The following COL15A1 variants were observed in gnomAD, a reference collection of about 807,000 sequenced individuals.
COL15A1 encodes the protein collagen alpha-1(XV) chain.
COL15A1 carries 111 observed loss-of-function variants against 165.9 expected under a neutral mutation model. That is an observed-to-expected ratio of 0.67 (90% CI 0.57 to 0.78). The LOEUF (loss-of-function observed/expected upper bound fraction) is 0.78. Ranked by LOEUF, COL15A1 falls within the 30% of genes least tolerant of loss-of-function variation. The probability of loss-of-function intolerance (pLI) is 0.00; values close to 1 mark genes in which losing one functional copy is unlikely to be tolerated. For synonymous variants in COL15A1, 659 were observed against 674.8 expected (o/e 0.98, Z 0.36); for missense variants, 1,745 against 1,789.7 (o/e 0.98, Z 0.45).
rs115007777 is a variant in COL15A1, at chr9:99,053,877, G to A, written c.2951-699G>A. On this transcript the variant is annotated intron_variant, in intron 31 of 41. Transcript: ENST00000375001. Reference sequence around the variant, plus strand: ...TTGATCTGTCACACCTCTTGGGAACGAGGAATTCAAAGACCTAGCGTCCAC... The same window carrying A: ...TTGATCTGTCACACCTCTTGGGAACAAGGAATTCAAAGACCTAGCGTCCAC... Among the ~76,000 whole-genome samples, 986 of 152,276 alleles carry A rather than the reference G, an allele frequency of 6.5e-3. 3 individuals are homozygous for A. The highest frequency in any genetic ancestry group is 0.021 in the African/African-American group (887 of 41,550).
At chr9:98,945,647 C>T (rs1487525117) in intron 2 of COL15A1, among the ~76,000 whole-genome samples, 1 of 152,342 alleles carries the variant, frequency 6.6e-6, no homozygotes, top group South Asian at 2.1e-4. Flanking sequence ...CTTTTCCTGC[C>T]AGAGTGTCCA....
At chr9:98,992,153 A>G (rs372001497) in intron 5 of COL15A1, among the ~76,000 whole-genome samples, 1 of 152,370 alleles carries the variant, frequency 6.6e-6, no homozygotes, top group South Asian at 2.1e-4. Flanking sequence ...GCCGCCGCAG[A>G]GCAGGGGGCG....
At chr9:99,056,124 GT>G (rs1825716493) in intron 34 of COL15A1, 135 bp from the exon 35 acceptor site, 1 of 946,846 alleles carries the variant, frequency 1.1e-6, no homozygotes, top group Non-Finnish European at 1.7e-6. Flanking sequence ...ACCTTGAATT[GT>G]GCCCAAGATT....
intron 2 of COL15A1, among the ~76,000 whole-genome samples, chr9:98,983,499 T>C (rs773152307): frequency 6.6e-5 from 10 of 152,226 alleles, no homozygotes; most frequent in Non-Finnish European, 1.2e-4. Flanking sequence ...TCATCTCATC[T>C]TCCCAAGGGA....
At chr9:98,972,671 C>G (rs1838080154) in intron 2 of COL15A1, among the ~76,000 whole-genome samples, 2 of 152,184 alleles carry the variant, frequency 1.3e-5, no homozygotes, top group Admixed American at 1.3e-4. Context: ...CATTCAGAGT[C>G]CCCTTTGCCA....
chr9:99,025,558 A>G (rs774861523), intron 15 of COL15A1, among the ~76,000 whole-genome samples: 2 of 152,230 alleles, frequency 1.3e-5, no homozygotes, highest in African/African-American at 2.4e-5. Context: ...TAAGTCAAGA[A>G]GCGTCTGTAC....
chr9:99,065,689 C>T (rs1314238804), intron 39 of COL15A1, among the ~76,000 whole-genome samples: 10 of 147,430 alleles, frequency 6.8e-5, no homozygotes, highest in Non-Finnish European at 1.2e-4. Flanking sequence ...GTGGTCAAGA[C>T]AGAACCAGGA....
chr9:99,049,026 T>A (rs879545821), intron 28 of COL15A1, among the ~76,000 whole-genome samples: 1 of 152,148 alleles, frequency 6.6e-6, no homozygotes, highest in Non-Finnish European at 1.5e-5. Flanking sequence ...CCAAGCCCAC[T>A]GGAACCGGCA....
rs758844204 is a variant in COL15A1 at position 99,059,953 on chromosome 9, G to A, written c.3402G>A (p.Leu1134=). The change falls in exon 36 of 42, where the codon CTG becomes CTA. Residue 1134 remains leucine (L), a splice_region_variant and synonymous_variant. Coordinates refer to ENST00000375001, the MANE Select transcript of COL15A1 (RefSeq NM_001855.5). ...CAGGGCTTCCCGGATCCAGAAACCT[G>A]GTCAGTATTATCATCAGTGTGTAGT... ...GQPGLPGSRN[L]VTAFSNMDDM... is the part of the protein sequence containing the mutation. 6.2e-7 allele frequency: 1 copy of A among 1,613,816 alleles called. No individual in the cohort carries two copies. Among genetic ancestry groups the A allele is most frequent in the Non-Finnish European group, 8.5e-7 (1 of 1,179,890 alleles).
chr9:98,949,564 A>C (rs1019836519), intron 2 of COL15A1, among the ~76,000 whole-genome samples: 12 of 152,196 alleles, frequency 7.9e-5, no homozygotes, highest in Non-Finnish European at 2.9e-5. Flanking sequence ...GCTTAACTTC[A>C]GCATTTCTAA....
chr9:98,997,807 A>T (rs967678055), intron 6 of COL15A1: 8 of 152,296 alleles, frequency 5.3e-5, no homozygotes, highest in African/African-American at 1.9e-4. Flanking sequence ...CTAGCTTGGC[A>T]TATGCCCAAG....
At position 99,054,586 on chromosome 9, in the gene COL15A1, A is replaced by G; in HGVS notation, c.2961A>G (p.Gly987=). 1 of 1,611,800 alleles carries G rather than the reference A, an allele frequency of 6.2e-7. No individual in the cohort carries two copies. Among genetic ancestry groups the G allele is most frequent in the Non-Finnish European group, 8.5e-7 (1 of 1,179,214 alleles). The change falls in exon 32 of 42, where the codon GGA becomes GGG. Residue 987 remains glycine (G), a synonymous_variant. Transcript: ENST00000375001. ...TGTGTTTGGTGGCAGGTGTTAAAGG[A>G]GAGAAAGGATCCTGGGGTCTTCCTG... is the stretch of plus-strand genomic sequence containing the variant. ...PELITFHGVK[G]EKGSWGLPGS...
intron 2 of COL15A1, among the ~76,000 whole-genome samples, chr9:98,958,084 A>T (rs1837807584): frequency 6.6e-6 from 1 of 152,242 alleles, no homozygotes; most frequent in Non-Finnish European, 1.5e-5. Context: ...AGCCCATGAC[A>T]TGCCGGAGGC....
intron 9 of COL15A1, among the ~76,000 whole-genome samples, chr9:99,014,384 T>C (rs900871317): frequency 6.6e-6 from 1 of 152,154 alleles, no homozygotes; most frequent in Non-Finnish European, 1.5e-5. Flanking sequence ...TTGCATTCCT[T>C]GTTGGAAGCA....
At chr9:99,035,967 TGCTGGGAGAGGGCC>T in intron 19 of COL15A1, among the ~76,000 whole-genome samples, 189 bp from the exon 20 acceptor site, 1 of 152,198 alleles carries the variant, frequency 6.6e-6, no homozygotes, top group Admixed American at 6.5e-5. Flanking sequence ...CCTCACCCAA[TGCTGGGAGAGGGCC>T]GCTGATTCTC....
chr9:98,975,108 A>G (rs2118850821), intron 2 of COL15A1, among the ~76,000 whole-genome samples: 1 of 152,346 alleles, frequency 6.6e-6, no homozygotes, highest in East Asian at 1.9e-4. Context: ...GCTGCCGCGC[A>G]CGGTCCCGGG....
At chr9:99,056,044 G>A (rs959034718) in intron 34 of COL15A1, among the ~76,000 whole-genome samples, 1 of 152,228 alleles carries the variant, frequency 6.6e-6, no homozygotes, top group African/African-American at 2.4e-5. Flanking sequence ...TCTGCCTCCA[G>A]GAGTCTCTGG....
intron 16 of COL15A1, among the ~76,000 whole-genome samples, chr9:99,029,516 C>T (rs369591482): frequency 6.6e-6 from 1 of 152,166 alleles, no homozygotes; most frequent in East Asian, 1.9e-4. Flanking sequence ...GGGTTTAGAC[C>T]TTCTAACAAC....
intron 5 of COL15A1, among the ~76,000 whole-genome samples, chr9:98,995,721 G>A (rs1346924365): frequency 6.6e-6 from 1 of 152,230 alleles, no homozygotes. Context: ...AATCCATGGT[G>A]ATTGTCTCTG....
Sources: allele counts gnomAD v4.1 joint callset (sites outside exome capture counted in the v4.1 genomes callset), GRCh38; gene constraint gnomAD v4.1.1; transcripts MANE v1.5; gene names NCBI Gene and HGNC (gene_info 2026-07-23, HGNC 2026-07-21).